The following NELL2 variants were observed in gnomAD, a reference collection of about 807,000 sequenced individuals.
NELL2 encodes the protein protein kinase C-binding protein NELL2.
Under a neutral mutation model 109.6 loss-of-function variants are expected in NELL2, and 41 were observed. The ratio of observed to expected loss-of-function variants is 0.37; its 90% CI spans 0.29 to 0.49. The LOEUF (loss-of-function observed/expected upper bound fraction) is 0.49, where lower values mean the gene tolerates loss of function less well. NELL2 is among the 20% of genes least tolerant of loss of function. NELL2 has a pLI of 0.98. For missense variants in NELL2, 900 were observed against 1,008.3 expected, an observed-to-expected ratio of 0.89 and a Z score of 1.45; for synonymous variants, 355 against 344.7, an observed-to-expected ratio of 1.03 and a Z score of -0.33.
intron 12 of NELL2, among the ~76,000 whole-genome samples, chr12:44,677,669 A>T (rs1234979472): frequency 1.3e-5 from 2 of 152,096 alleles, no homozygotes; most frequent in Non-Finnish European, 2.9e-5. Context: ...AGTTCTTGTA[A>T]CTATGACTGC....
intron 3 of NELL2, among the ~76,000 whole-genome samples, chr12:44,795,082 T>C (rs1861041180): frequency 6.6e-6 from 1 of 152,142 alleles, no homozygotes; most frequent in African/African-American, 2.4e-5. Flanking sequence ...TTTAACAACC[T>C]CCTTCATCAC....
At chr12:44,697,130 C>T (rs574821435) in intron 12 of NELL2, among the ~76,000 whole-genome samples, 16 of 152,232 alleles carry the variant, frequency 1.1e-4, no homozygotes, top group Middle Eastern at 3.4e-3. Context: ...GAAACATCAC[C>T]AAACTTCTAA....
At chr12:44,767,882 G>T (rs1241164656) in intron 9 of NELL2, among the ~76,000 whole-genome samples, 1 of 152,066 alleles carries the variant, frequency 6.6e-6, no homozygotes, top group Non-Finnish European at 1.5e-5. Context: ...AGGTGTTTAT[G>T]TTTCATTTTA....
rs765484621 is a variant in NELL2 at position 44,665,421 on chromosome 12, G to T, written c.1444+63C>A. On this transcript the variant is annotated intron_variant, in intron 13 of 19. Transcript: ENST00000429094. ...ACTTATCAAAAAAATGAGAGTCAAAGAAATTTTTAAAAGTAAACTTAAGAC... is the reference window on the plus strand; with the variant it reads ...ACTTATCAAAAAAATGAGAGTCAAATAAATTTTTAAAAGTAAACTTAAGAC... The T allele has an allele frequency of 2.8e-6, 4 of 1,452,142 alleles. No homozygotes were observed. In the South Asian group the frequency reaches 4.3e-5, roughly 16 times the overall value. The allele number at this position is 1,452,142 out of a possible 1,614,324, so 90.0% of individuals were successfully genotyped here.
chr12:44,737,067 T>C (rs913762454), intron 9 of NELL2, among the ~76,000 whole-genome samples: 1 of 152,094 alleles, frequency 6.6e-6, no homozygotes, highest in Admixed American at 6.5e-5. Flanking sequence ...TTTATCAAAA[T>C]ATTGATAGGT....
At chr12:44,808,133 G>A (rs1048334213) in intron 3 of NELL2, among the ~76,000 whole-genome samples, 7 of 152,042 alleles carry the variant, frequency 4.6e-5, no homozygotes, top group East Asian at 1.9e-4. Context: ...TATGGGCTGC[G>A]GCAGCAGCAG....
intron 11 of NELL2, among the ~76,000 whole-genome samples, chr12:44,704,326 A>C (rs190077559): frequency 1.4e-5 from 2 of 143,528 alleles, no homozygotes; most frequent in Non-Finnish European, 3.1e-5. Context: ...TCCAAAAAAA[A>C]CAAAACCTTT....
chr12:44,838,798 C>T (rs1031101634), intron 2 of NELL2, among the ~76,000 whole-genome samples: 1 of 151,554 alleles, frequency 6.6e-6, no homozygotes. Flanking sequence ...ATTATGAGTA[C>T]AGAAAAGTCA....
intron 13 of NELL2, among the ~76,000 whole-genome samples, chr12:44,622,975 G>C (rs74908099): frequency 6.6e-6 from 1 of 152,028 alleles, no homozygotes; most frequent in African/African-American, 2.4e-5. Flanking sequence ...TTTATTTCAT[G>C]CTTCTGTGTT....
chr12:44,674,239 G>C (rs1175928147), intron 12 of NELL2, among the ~76,000 whole-genome samples: 1 of 152,114 alleles, frequency 6.6e-6, no homozygotes, highest in African/African-American at 2.4e-5. Flanking sequence ...CTACCAACTT[G>C]AGAAGCTGAT....
At chr12:44,539,378 C>CG (rs541781908) in intron 15 of NELL2, among the ~76,000 whole-genome samples, 255 of 151,932 alleles carry the variant, frequency 1.7e-3, no homozygotes, top group African/African-American at 5.9e-3. Flanking sequence ...AAGAAATTGG[C>CG]GGGGGGGATG....
intron 19 of NELL2, among the ~76,000 whole-genome samples, chr12:44,517,365 A>C: frequency 7.1e-6 from 1 of 140,754 alleles, no homozygotes; most frequent in South Asian, 2.3e-4. Flanking sequence ...CTACCCACCA[A>C]CTACTTTCTC....
intron 2 of NELL2, among the ~76,000 whole-genome samples, chr12:44,830,512 A>T (rs940443727): frequency 1.3e-5 from 2 of 152,224 alleles, no homozygotes; most frequent in Non-Finnish European, 2.9e-5. Context: ...AGAAAACAGC[A>T]TTATAAAGTA....
At chr12:44,911,006 G>A (rs1381683277) in intron 1 of NELL2, among the ~76,000 whole-genome samples, 1 of 151,916 alleles carries the variant, frequency 6.6e-6, no homozygotes, top group African/African-American at 2.4e-5. Context: ...CTAGATGGGG[G>A]AGGTAGGGAG....
intron 15 of NELL2, among the ~76,000 whole-genome samples, chr12:44,579,509 G>C (rs1477186813): frequency 6.6e-6 from 1 of 152,124 alleles, no homozygotes; most frequent in Admixed American, 6.5e-5. Flanking sequence ...GACTGATTTT[G>C]AGTGGAACCA....
chr12:44,700,490 C>G (rs1399834925), intron 12 of NELL2, among the ~76,000 whole-genome samples: 1 of 152,176 alleles, frequency 6.6e-6, no homozygotes, highest in East Asian at 1.9e-4. Flanking sequence ...CTCTCTGCTA[C>G]TGGCCTTCCT....
chr12:44,707,743 C>G (rs1469160136), intron 11 of NELL2, among the ~76,000 whole-genome samples: 1 of 152,092 alleles, frequency 6.6e-6, no homozygotes, highest in African/African-American at 2.4e-5. Context: ...ATGGCTACCA[C>G]CGCTTAGGAA....
chr12:44,767,407 G>A (rs147111897), intron 9 of NELL2, among the ~76,000 whole-genome samples: 43 of 152,212 alleles, frequency 2.8e-4, no homozygotes, highest in African/African-American at 9.9e-4. Context: ...CTTCCACCTG[G>A]TGCTCCCTTG....
chr12:44,640,395 C>T (rs1305486379), intron 13 of NELL2, among the ~76,000 whole-genome samples: 1 of 152,152 alleles, frequency 6.6e-6, no homozygotes, highest in African/African-American at 2.4e-5. Flanking sequence ...ATAATAGGAA[C>T]TGAGATTTGA....
Sources: allele counts gnomAD v4.1 joint callset (sites outside exome capture counted in the v4.1 genomes callset), GRCh38; gene constraint gnomAD v4.1.1; transcripts MANE v1.5; gene names NCBI Gene and HGNC (gene_info 2026-07-23, HGNC 2026-07-21).